The following PPP1R12C variants were observed in gnomAD, a reference collection of about 807,000 sequenced individuals.
The protein encoded by PPP1R12C is protein phosphatase 1 regulatory subunit 12C, also known as leukocyte receptor cluster (LRC) encoded novel gene 3.
A neutral mutation model predicts 95.6 loss-of-function variants in PPP1R12C; 48 were observed. The ratio of observed to expected loss-of-function variants is 0.50; its 90% CI spans 0.40 to 0.64. The LOEUF is 0.64. Among genes scored for constraint, PPP1R12C ranks in the 30% least tolerant of loss-of-function variants. The pLI, the probability that PPP1R12C is intolerant of heterozygous loss-of-function variation, is 0.00. For missense variants in PPP1R12C, 1,057 were observed against 1,083.3 expected (o/e 0.98, Z 0.34); for synonymous variants, 480 against 460.8 (o/e 1.04, Z -0.53).
chr19:55,095,415 G>A, intron 10 of PPP1R12C, 30 bp downstream of exon 10: 1 of 1,562,630 alleles, frequency 6.4e-7, no homozygotes, highest in Admixed American at 1.9e-5. Flanking sequence ...GCAGGGGCCT[G>A]GGCCTGGACC....
In PPP1R12C at chr19:55,095,317, G is replaced by A. The variant is rs1390540656; in HGVS notation, c.1428C>T (p.Ser476=). Residue 476 remains serine (S), a synonymous_variant, in exon 11 of 22, where the codon TCC becomes TCT. Coordinates refer to ENST00000263433, the MANE Select transcript of PPP1R12C (RefSeq NM_017607.4). ...GGACAGAGGGCTCCGGCAGCTTCGG[G>A]GAGGGGGTCGGGGTAATTCTGGCAA... ...LRLARITPTP[S]PKLPEPSVLS... 6.3e-7 allele frequency: 1 copy of A among 1,587,286 alleles called. No homozygotes were observed. Among genetic ancestry groups the A allele is most frequent in the South Asian group, 1.2e-5 (1 of 86,938 alleles).
In PPP1R12C at chr19:55,098,961, AGT is replaced by A; in HGVS notation, c.864_865del (p.Leu289AspfsTer9). The A allele has an allele frequency of 6.3e-7, 1 of 1,577,016 alleles. No individual in the cohort carries two copies. Among genetic ancestry groups the A allele is most frequent in the Non-Finnish European group, 8.6e-7 (1 of 1,161,150 alleles). On this transcript the variant is annotated frameshift_variant, in exon 5 of 22. Coordinates refer to ENST00000263433, the MANE Select transcript of PPP1R12C (RefSeq NM_017607.4). LOFTEE classifies it high-confidence loss of function. Reference sequence around the variant, plus strand: ...GGCACTGGCCCTCACCGCATGGGTCAGTGAGTCCATGCCCCCGCCATGCTCGG... The same window carrying A: ...GGCACTGGCCCTCACCGCATGGGTCAGAGTCCATGCCCCCGCCATGCTCGG...
Position 55,095,858 on chromosome 19 carries a change from T to A in PPP1R12C, c.1227+9A>T. 1 of 1,613,368 alleles carries A rather than the reference T, an allele frequency of 6.2e-7. No individual in the cohort carries two copies. The highest frequency in any genetic ancestry group is 8.5e-7 in the Non-Finnish European group (1 of 1,179,636). On this transcript the variant is annotated intron_variant, in intron 9 of 21. Coordinates refer to ENST00000263433, the MANE Select transcript of PPP1R12C (RefSeq NM_017607.4). ...CAGCCTCACAGGACCTCTCAGGGCATCCACTCACCACGGGACTCTTAGGGC... is the reference window on the plus strand; with the variant it reads ...CAGCCTCACAGGACCTCTCAGGGCAACCACTCACCACGGGACTCTTAGGGC...
chr19:55,097,380 ACC>A (rs1370198920), intron 6 of PPP1R12C, among the ~76,000 whole-genome samples: 1 of 80,486 alleles, frequency 1.2e-5, no homozygotes, highest in African/African-American at 4.5e-5. Flanking sequence ...CACCGTCTTC[ACC>A]CCTTCCCTGC....
In PPP1R12C at chr19:55,094,377, G is replaced by A. The variant is rs774155396; in HGVS notation, c.1651C>T (p.Arg551Cys). ...GACCTCCGAGACTGGCGCATGAGAC[G>A]GGAGCGAGCTTTTCTCTGGGATTCC... ...ESESQRKARS[R>C]LMRQSRRSTQ... The change falls in exon 13 of 22, where the codon CGT (arginine) becomes TGT (cysteine). Residue 551 changes from arginine to cysteine, a missense_variant. Transcript: ENST00000263433. The A allele has an allele frequency of 6.2e-7, 1 of 1,613,102 alleles. No individual in the cohort carries two copies.
At chr19:55,102,687 A>C (rs913909571) in intron 4 of PPP1R12C, among the ~76,000 whole-genome samples, 3 of 152,234 alleles carry the variant, frequency 2.0e-5, no homozygotes, top group Admixed American at 2.0e-4. Context: ...ACTAAAGATA[A>C]AGAAGCACTA....
chr19:55,093,127 C>T lies in PPP1R12C; in HGVS notation c.1764+26G>A, dbSNP rs772785645. The T allele has an allele frequency of 7.4e-6, 12 of 1,613,294 alleles. No homozygotes were observed. In the Admixed American group the frequency reaches 1.8e-4, roughly 25 times the overall value. On this transcript the variant is annotated intron_variant, in intron 14 of 21. Transcript: ENST00000263433. ...GGAAGCAGGACATCCCGCACCACCC[C>T]ACTCGCCCTCGCTGACCCCTCTCAC...
intron 4 of PPP1R12C, among the ~76,000 whole-genome samples, chr19:55,102,881 A>T (rs1224251227): frequency 6.6e-6 from 1 of 152,234 alleles, no homozygotes; most frequent in Non-Finnish European, 1.5e-5. Flanking sequence ...GAAAATAGTA[A>T]CAAAATGATG....
chr19:55,103,806 C>A (rs1463133417), intron 3 of PPP1R12C, among the ~76,000 whole-genome samples: 1 of 151,970 alleles, frequency 6.6e-6, no homozygotes, highest in Non-Finnish European at 1.5e-5. Flanking sequence ...ACGGAGATCA[C>A]AGGCCTTTCC....
At position 55,113,708 on chromosome 19, in the gene PPP1R12C, T is replaced by G. The variant is rs984247682; in HGVS notation, c.322-913A>C. ...CCATCTGGAGGAGGCGGGAGGGAGC[T>G]ACGAGGGCCAAGAGCATGAGGTCAT... On this transcript the variant is annotated intron_variant, in intron 1 of 21. Coordinates refer to ENST00000263433, the MANE Select transcript of PPP1R12C (RefSeq NM_017607.4). 3.8e-6 allele frequency: 3 copies of G among 794,178 alleles called. No individual in the cohort carries two copies. In the African/African-American group the frequency reaches 5.4e-5, roughly 14 times the overall value. The allele number at this position is 794,178 out of a possible 1,614,324, so 49.2% of individuals were successfully genotyped here. A position where few individuals can be genotyped will look rare whatever the true frequency, so the allele number is the denominator to read the frequency against.
chr19:55,106,794 G>A (rs1292773768), intron 3 of PPP1R12C, among the ~76,000 whole-genome samples: 1 of 152,082 alleles, frequency 6.6e-6, no homozygotes, highest in African/African-American at 2.4e-5. Flanking sequence ...AATGTGACCG[G>A]GCCCATAGCC....
chr19:55,096,493 A>G (rs1470988781), intron 6 of PPP1R12C, among the ~76,000 whole-genome samples, 158 bp from the exon 7 acceptor site: 3 of 152,086 alleles, frequency 2.0e-5, no homozygotes, highest in African/African-American at 7.3e-5. Context: ...CCTCAGGGGC[A>G]GGAGGTGCCC....
intron 1 of PPP1R12C, among the ~76,000 whole-genome samples, chr19:55,115,843 G>A (rs896628516): frequency 6.6e-6 from 1 of 152,160 alleles, no homozygotes; most frequent in African/African-American, 2.4e-5. Flanking sequence ...GGAATATAAG[G>A]TGGTCCCAGC....
chr19:55,092,155 C>T (rs984561709), intron 19 of PPP1R12C, 67 bp downstream of exon 19: 2 of 1,407,818 alleles, frequency 1.4e-6, no homozygotes, highest in Non-Finnish European at 1.9e-6. Context: ...GGCTCTACCT[C>T]CCAGCAGTCT....
rs141058127 is a variant in PPP1R12C at position 55,094,665 on chromosome 19, G to T, written c.1588C>A (p.Arg530=). 114 of 1,589,792 alleles carry T rather than the reference G, an allele frequency of 7.2e-5. No homozygotes were observed. In the African/African-American group the frequency reaches 1.3e-3, roughly 18 times the overall value. ...TAPPADSRDR[R]RSYQMPVRDE... ...TTCCTGCCCTGGCCTCTTCACCTCC[G>T]TCGGTCCCGGGAGTCCGCTGGGGGC... Residue 530 remains arginine, a synonymous_variant, in exon 12 of 22, where the codon CGG becomes AGG. Coordinates refer to ENST00000263433, the MANE Select transcript of PPP1R12C (RefSeq NM_017607.4).
chr19:55,111,730 C>G (rs1024827711), intron 3 of PPP1R12C: 1 of 152,274 alleles, frequency 6.6e-6, no homozygotes, highest in African/African-American at 2.4e-5. Flanking sequence ...TGGAGTCTGC[C>G]GGGAACCATG....
chr19:55,091,814 A>T (rs2084844877), intron 20 of PPP1R12C, 45 bp downstream of exon 20: 1 of 1,612,268 alleles, frequency 6.2e-7, no homozygotes, highest in Non-Finnish European at 8.5e-7. Context: ...TAGGGATGTG[A>T]GGCTGGGGAC....
In PPP1R12C at chr19:55,092,610, C is replaced by T. The variant is rs747689675; in HGVS notation, c.1952+12G>A. ...CCGCACGCAGACCCCACCTCTCCCA[C>T]CCCGCCCCTACCTGGACTCCTGGCT... On this transcript the variant is annotated intron_variant, in intron 17 of 21. Transcript: ENST00000263433. 1.3e-6 allele frequency: 2 copies of T among 1,536,400 alleles called. No homozygotes were observed. Among genetic ancestry groups the T allele is most frequent in the Admixed American group, 2.1e-5 (1 of 47,670 alleles).
At chr19:55,092,933 G>T in intron 15 of PPP1R12C, 65 bp from the exon 16 acceptor site, 1 of 1,584,218 alleles carries the variant, frequency 6.3e-7, no homozygotes, top group South Asian at 1.1e-5. Flanking sequence ...TGGGTCCCCG[G>T]GTCAAGCCCC....
Sources: gnomAD v4.1 joint callset for allele counts (sites outside exome capture counted in the v4.1 genomes callset) on GRCh38, gnomAD v4.1.1 for gene constraint, MANE v1.5 for transcripts, NCBI Gene and HGNC (gene_info 2026-07-23, HGNC 2026-07-21) for gene names.